The following MTHFD2L variants were observed in gnomAD, a reference collection of about 807,000 sequenced individuals.
MTHFD2L encodes bifunctional methylenetetrahydrofolate dehydrogenase/cyclohydrolase 2, mitochondrial.
MTHFD2L carries 29 observed loss-of-function variants against 34.9 expected under a neutral mutation model. That is an observed-to-expected ratio of 0.83 (90% confidence interval 0.62 to 1.13). MTHFD2L has a LOEUF of 1.13. MTHFD2L is among the 50% of genes most tolerant of loss of function. MTHFD2L has a pLI of 0.00. For synonymous variants in MTHFD2L, 167 were observed against 155.7 expected (o/e 1.07, Z -0.54); for missense variants, 481 against 446.5 (o/e 1.08, Z -0.70).
intron 3 of MTHFD2L, among the ~76,000 whole-genome samples, chr4:74,199,111 G>A (rs1290502580): frequency 1.3e-5 from 2 of 152,002 alleles, no homozygotes; most frequent in Non-Finnish European, 2.9e-5. Flanking sequence ...AGTAATAGGA[G>A]CCTATTTTAT....
At chr4:74,139,752 TC>T (rs548030414) in intron 1 of MTHFD2L, among the ~76,000 whole-genome samples, 312 of 152,316 alleles carry the variant, frequency 2.0e-3, no homozygotes, top group African/African-American at 6.9e-3. Flanking sequence ...TCTGCTGCAC[TC>T]CCCCAATTTT....
chr4:74,227,111 C>T (rs1393449482), intron 6 of MTHFD2L, among the ~76,000 whole-genome samples: 1 of 152,124 alleles, frequency 6.6e-6, no homozygotes, highest in Non-Finnish European at 1.5e-5. Flanking sequence ...ACACTGGCTC[C>T]CAGCAAGGTT....
intron 6 of MTHFD2L, among the ~76,000 whole-genome samples, chr4:74,237,749 G>A (rs938298718): frequency 2.0e-5 from 3 of 152,258 alleles, no homozygotes; most frequent in African/African-American, 7.2e-5. Context: ...TACCTTGTTT[G>A]GGACTGTTCC....
At position 74,301,906 on chromosome 4, in the gene MTHFD2L, C is replaced by T. The variant is rs1578773079; in HGVS notation, c.*97C>T. 1 of 574,848 alleles carries T rather than the reference C, an allele frequency of 1.7e-6. No individual in the cohort carries two copies. The highest frequency in any genetic ancestry group is 2.8e-6 in the Non-Finnish European group (1 of 352,124). The allele number at this position is 574,848 out of a possible 1,614,324, so 35.6% of individuals were successfully genotyped here. ...TTTACTACAAAGCTATTTATTTCTACATGGTATTTATTTTTTCATGGGTGA... is the reference window on the plus strand; with the variant it reads ...TTTACTACAAAGCTATTTATTTCTATATGGTATTTATTTTTTCATGGGTGA... On this transcript the variant is annotated 3_prime_UTR_variant, in exon 8 of 8. Transcript: ENST00000325278.
chr4:74,216,369 T>C (rs1737212052), intron 5 of MTHFD2L, among the ~76,000 whole-genome samples: 2 of 151,770 alleles, frequency 1.3e-5, no homozygotes, highest in African/African-American at 4.9e-5. Flanking sequence ...AGATAAAAAT[T>C]AAATCAGAAT....
intron 6 of MTHFD2L, among the ~76,000 whole-genome samples, chr4:74,255,545 G>T (rs1436478445): frequency 1.3e-5 from 2 of 152,056 alleles, no homozygotes; most frequent in South Asian, 2.1e-4. Context: ...TTTTACAAGG[G>T]TATATTGTAT....
intron 1 of MTHFD2L, among the ~76,000 whole-genome samples, chr4:74,159,236 T>C (rs1468163634): frequency 2.0e-5 from 3 of 152,226 alleles, no homozygotes; most frequent in Non-Finnish European, 4.4e-5. Flanking sequence ...GGATTTGCTT[T>C]GGACATAATT....
At chr4:74,221,750 A>C (rs953771533) in intron 5 of MTHFD2L, among the ~76,000 whole-genome samples, 1 of 150,932 alleles carries the variant, frequency 6.6e-6, no homozygotes, top group Non-Finnish European at 1.5e-5. Context: ...TTTTATGATA[A>C]ATATATATGG....
At chr4:74,255,651 C>T (rs1743934654) in intron 6 of MTHFD2L, among the ~76,000 whole-genome samples, 1 of 152,126 alleles carries the variant, frequency 6.6e-6, no homozygotes, top group South Asian at 2.1e-4. Context: ...CCCCTCTCTT[C>T]CACTTCTAGT....
At chr4:74,235,854 C>T (rs1016168169) in intron 6 of MTHFD2L, among the ~76,000 whole-genome samples, 11 of 152,132 alleles carry the variant, frequency 7.2e-5, no homozygotes, top group African/African-American at 1.9e-4. Context: ...GTTACCCCGA[C>T]CTTTATCGGC....
chr4:74,299,557 G>A (rs1750039492), intron 7 of MTHFD2L, among the ~76,000 whole-genome samples: 1 of 151,958 alleles, frequency 6.6e-6, no homozygotes, highest in Admixed American at 6.6e-5. Context: ...GGAAAATGCA[G>A]TTTATCACCC....
At chr4:74,132,882 T>C (rs1722654250) in intron 1 of MTHFD2L, among the ~76,000 whole-genome samples, 1 of 152,348 alleles carries the variant, frequency 6.6e-6, no homozygotes, top group Admixed American at 6.5e-5. Context: ...TTTGTCTTTA[T>C]AAGCTTCTTA....
chr4:74,175,519 G>GTAAAATAGCTAGTCT, intron 3 of MTHFD2L, 116 bp downstream of exon 3: 1 of 1,121,452 alleles, frequency 8.9e-7, no homozygotes, highest in Non-Finnish European at 1.3e-6. Context: ...AAGGAGACTA[G>GTAAAATAGCTAGTCT]CTATTTTACT....
At chr4:74,233,359 T>G (rs1350521437) in intron 6 of MTHFD2L, among the ~76,000 whole-genome samples, 3 of 152,186 alleles carry the variant, frequency 2.0e-5, no homozygotes. Flanking sequence ...GGTTTGGTTT[T>G]AAATTCAATT....
At chr4:74,233,324 G>T (rs1560514355) in intron 6 of MTHFD2L, among the ~76,000 whole-genome samples, 1 of 152,104 alleles carries the variant, frequency 6.6e-6, no homozygotes, top group Non-Finnish European at 1.5e-5. Flanking sequence ...AGTATCAAAA[G>T]AAACGTGGTC....
rs1485489538 is a variant in MTHFD2L, at chr4:74,281,562, A to G, written c.931+12A>G. On this transcript the variant is annotated intron_variant, in intron 7 of 7. Transcript: ENST00000325278. ...TGTGGACTTCGAAGGTAATAAACCA[A>G]TATCTTTTGATAGGTGAAGAAGATA... The G allele has an allele frequency of 3.1e-6, 5 of 1,603,324 alleles. No individual in the cohort carries two copies. The highest frequency in any genetic ancestry group is 4.3e-6 in the Non-Finnish European group (5 of 1,176,120).
At position 74,267,996 on chromosome 4, in the gene MTHFD2L, G is replaced by A. The variant is rs16850813; in HGVS notation, c.806-13429G>A. The stretch of plus-strand genomic sequence containing the variant: ...TTGGGGGCATTCAGATATTGTCCTT[G>A]GCATGAATATTATTCTCATGACAGG... On this transcript the variant is annotated intron_variant, in intron 6 of 7. Transcript: ENST00000325278. 7.7e-3 allele frequency: 7,598 copies of A among 985,052 alleles called. 409 individuals are homozygous for A. The African/African-American group carries it at 0.12, about 15-fold the overall frequency. The allele number at this position is 985,052 out of a possible 1,614,324, so 61.0% of individuals were successfully genotyped here.
At chr4:74,248,671 G>T (rs1742848877) in intron 6 of MTHFD2L, among the ~76,000 whole-genome samples, 1 of 148,988 alleles carries the variant, frequency 6.7e-6, no homozygotes, top group African/African-American at 2.5e-5. Context: ...AGAGATTCTG[G>T]TATGTTGTGT....
chr4:74,174,546 C>A lies in MTHFD2L; in HGVS notation c.184C>A (p.His62Asn). 1.3e-6 allele frequency: 2 copies of A among 1,595,502 alleles called. No individual in the cohort carries two copies. The highest frequency in any genetic ancestry group is 1.7e-6 in the Non-Finnish European group (2 of 1,172,046). The change falls in exon 2 of 8, where the codon CAT becomes AAT. Residue 62 changes from histidine to asparagine, a missense_variant. Coordinates refer to ENST00000325278, the MANE Select transcript of MTHFD2L (RefSeq NM_001144978.3). ...TATATCAGGAACCGAAATGGCCAAG[C>A]ATATCCAGAAAGAAATACAGCGAGG... is the stretch of plus-strand genomic sequence containing the variant. ...IIISGTEMAK[H>N]IQKEIQRGVE...
Sources: gnomAD v4.1 joint callset for allele counts (sites outside exome capture counted in the v4.1 genomes callset) on GRCh38, gnomAD v4.1.1 for gene constraint, MANE v1.5 for transcripts, NCBI Gene and HGNC (gene_info 2026-07-23, HGNC 2026-07-21) for gene names.